Variants in NUP98 observed in about 807,000 individuals in gnomAD.
NUP98 encodes nuclear pore complex protein Nup98-Nup96.
Under a neutral mutation model 191.9 loss-of-function variants are expected in NUP98, and 26 were observed. The observed-to-expected ratio is 0.14, with a 90% CI of 0.10 to 0.19. The LOEUF (loss-of-function observed/expected upper bound fraction) is 0.19. Among genes scored for constraint, NUP98 ranks in the 10% least tolerant of loss-of-function variants. The pLI is 1.00. For missense variants in NUP98, 1,941 were observed against 2,178.8 expected (o/e 0.89, Z 2.17); for synonymous variants, 808 against 778.4 (o/e 1.04, Z -0.63).
At chr11:3,704,258 A>T (rs1399750941) in intron 22 of NUP98, among the ~76,000 whole-genome samples, 2 of 152,228 alleles carry the variant, frequency 1.3e-5, no homozygotes, top group African/African-American at 4.8e-5. Flanking sequence ...AAGCAATATA[A>T]ACAAATGTCT....
chr11:3,679,140 A>C (rs1048420603), intron 31 of NUP98, among the ~76,000 whole-genome samples: 71 of 151,814 alleles, frequency 4.7e-4, no homozygotes, highest in Non-Finnish European at 9.3e-4. Flanking sequence ...AAAAAAAAAA[A>C]AAAACTGACC....
At chr11:3,685,814 C>T (rs2078117567) in intron 29 of NUP98, among the ~76,000 whole-genome samples, 159 bp downstream of exon 29, 1 of 152,186 alleles carries the variant, frequency 6.6e-6, no homozygotes, top group African/African-American at 2.4e-5. Flanking sequence ...CAGAAACAGT[C>T]TAGGCTAAGG....
chr11:3,758,357 C>T (rs2081050742), intron 10 of NUP98, among the ~76,000 whole-genome samples: 1 of 151,750 alleles, frequency 6.6e-6, no homozygotes, highest in African/African-American at 2.4e-5. Flanking sequence ...AAAAACAGTC[C>T]CATTACAGCA....
intron 13 of NUP98, among the ~76,000 whole-genome samples, chr11:3,734,861 G>C (rs993080439): frequency 7.2e-5 from 11 of 152,034 alleles, no homozygotes; most frequent in Non-Finnish European, 1.3e-4. Context: ...CCAGGAGTTC[G>C]ATACTAGCAA....
At chr11:3,753,843 G>A (rs1413265069) in intron 10 of NUP98, among the ~76,000 whole-genome samples, 3 of 145,346 alleles carry the variant, frequency 2.1e-5, no homozygotes, top group Non-Finnish European at 3.0e-5. Context: ...GGAGGCTAAG[G>A]TGGGAAAATC....
Position 3,706,513 on chromosome 11 carries a change from C to T in NUP98, c.2857G>A (p.Asp953Asn). 6.2e-7 allele frequency: 1 copy of T among 1,614,074 alleles called. No individual in the cohort carries two copies. Among genetic ancestry groups the T allele is most frequent in the Middle Eastern group, 1.6e-4 (1 of 6,062 alleles). Residue 953 changes from aspartate to asparagine, a missense_variant, in exon 21 of 33, where the codon GAT (aspartate) becomes AAT (asparagine). Coordinates refer to ENST00000324932, the MANE Select transcript of NUP98 (RefSeq NM_016320.5). ...GTTGAGGCAGACACAGGTTCCTGAT[C>T]CTCAGGCATGCTCTCTTCTAACATG... ...DTMLEESMPE[D>N]QEPVSASTHI...
rs1408108968 is a variant in NUP98, at chr11:3,691,380, A to C, written c.4421T>G (p.Val1474Gly). 1.2e-6 allele frequency: 2 copies of C among 1,614,194 alleles called. No homozygotes were observed. The highest frequency in any genetic ancestry group is 1.7e-6 in the Non-Finnish European group (2 of 1,180,042). Residue 1474 changes from valine (V) to glycine (G), a missense_variant, in exon 28 of 33, where the codon GTC becomes GGC. Around this residue, in one of 6 missense-constraint regions of NUP98, gnomAD observed 1,030 missense variants for 1,115.8 expected, o/e 0.92. Transcript: ENST00000324932. Reference protein sequence around the residue: ...EQNSQTPLRDVCFHLLKLYSD... With the variant: ...EQNSQTPLRDGCFHLLKLYSD... ...GTAGAGTTTTAGAAGGTGAAAGCAGACATCTCGAAGTGGTGTCTGTGAGTT... is the reference window on the plus strand; with the variant it reads ...GTAGAGTTTTAGAAGGTGAAAGCAGCCATCTCGAAGTGGTGTCTGTGAGTT...
intron 1 of NUP98, among the ~76,000 whole-genome samples, chr11:3,788,585 C>T (rs968615393): frequency 2.6e-5 from 4 of 151,916 alleles, no homozygotes; most frequent in Non-Finnish European, 5.9e-5. Context: ...GAGTGAAATT[C>T]TGTCTCCAAA....
intron 15 of NUP98, among the ~76,000 whole-genome samples, 157 bp from the exon 16 acceptor site, chr11:3,723,612 A>G (rs541161903): frequency 1.4e-4 from 21 of 152,182 alleles, no homozygotes; most frequent in Non-Finnish European, 2.1e-4. Flanking sequence ...GTACTGTGAA[A>G]CAGATAATTA....
chr11:3,768,508 T>A, intron 8 of NUP98, 73 bp downstream of exon 8: 1 of 1,342,472 alleles, frequency 7.4e-7, no homozygotes, highest in Non-Finnish European at 9.8e-7. Flanking sequence ...TTTGCTAGTT[T>A]GACATGATTA....
rs551678469 is a variant in NUP98 at position 3,756,798 on chromosome 11, A to T, written c.1175-3390T>A. 9.9e-5 allele frequency among the ~76,000 whole-genome samples: 15 copies of T among 152,092 alleles called. No homozygotes were observed. The East Asian group carries it at 2.7e-3, about 28-fold the overall frequency. On this transcript the variant is annotated intron_variant, in intron 10 of 32. Transcript: ENST00000324932. ...TAACATCAAATATATCTTTAAAAAA[A>T]TTTTGTCGGCTGGGCGCAGTGGCTC...
At chr11:3,734,338 C>T (rs895263002) in intron 13 of NUP98, among the ~76,000 whole-genome samples, 8 of 152,162 alleles carry the variant, frequency 5.3e-5, no homozygotes, top group Admixed American at 5.2e-4. Context: ...GGGCAGATCC[C>T]ATTTCTTAAA....
intron 26 of NUP98, among the ~76,000 whole-genome samples, chr11:3,695,066 G>A (rs1243181654): frequency 7.2e-5 from 11 of 152,186 alleles, no homozygotes; most frequent in Non-Finnish European, 1.6e-4. Context: ...GGGAGGCTCA[G>A]GTGAGAGGAT....
At chr11:3,723,039 C>T (rs763629277) in intron 16 of NUP98, 118 bp downstream of exon 16, 25 of 878,324 alleles carry the variant, frequency 2.8e-5, no homozygotes, top group Non-Finnish European at 4.5e-5. Context: ...TATGTGGGAT[C>T]ACATAAAATA....
At chr11:3,740,236 C>T (rs769111982) in intron 12 of NUP98, among the ~76,000 whole-genome samples, 5 of 152,052 alleles carry the variant, frequency 3.3e-5, no homozygotes, top group African/African-American at 4.8e-5. Context: ...CTAAGCCAGG[C>T]GCGGTGGCTC....
chr11:3,777,791 A>C (rs535192663), intron 4 of NUP98, among the ~76,000 whole-genome samples: 1 of 152,252 alleles, frequency 6.6e-6, no homozygotes, highest in African/African-American at 2.4e-5. Flanking sequence ...ACATGTCTTA[A>C]TATATAGTTT....
intron 12 of NUP98, among the ~76,000 whole-genome samples, chr11:3,736,274 C>T (rs577964290): frequency 6.6e-6 from 1 of 152,232 alleles, no homozygotes; most frequent in East Asian, 1.9e-4. Context: ...AAATTTAACT[C>T]GAACTAGAAA....
intron 22 of NUP98, among the ~76,000 whole-genome samples, chr11:3,703,232 T>G (rs577172724): frequency 1.3e-5 from 2 of 151,842 alleles, no homozygotes; most frequent in South Asian, 4.2e-4. Context: ...TTTTTTTTTT[T>G]TGGAGACAGA....
intron 8 of NUP98, among the ~76,000 whole-genome samples, 187 bp from the exon 9 acceptor site, chr11:3,763,226 G>A (rs1166445319): frequency 6.6e-6 from 1 of 152,064 alleles, no homozygotes; most frequent in African/African-American, 2.4e-5. Context: ...AAAAAGCTCA[G>A]AGCATTTTAA....
Sources: gnomAD v4.1 joint callset for allele counts (sites outside exome capture counted in the v4.1 genomes callset) on GRCh38, gnomAD v4.1.1 for gene constraint, gnomAD v4.1.1 regional missense constraint, MANE v1.5 for transcripts, NCBI Gene and HGNC (gene_info 2026-07-23, HGNC 2026-07-21) for gene names.